Variants in CYP7A1 observed in about 807,000 individuals in gnomAD.
CYP7A1 encodes cytochrome P450 7A1.
In CYP7A1, 28 loss-of-function variants were observed where a neutral mutation model predicts 43.8. The observed-to-expected ratio is 0.64, with a 90% CI of 0.47 to 0.88. The LOEUF (loss-of-function observed/expected upper bound fraction) is 0.88. Among genes scored for constraint, CYP7A1 ranks in the 40% least tolerant of loss-of-function variants. CYP7A1 has a pLI of 0.00. For synonymous variants in CYP7A1, 227 were observed against 222.5 expected (o/e 1.02, Z -0.18); for missense variants, 637 against 611.9 (o/e 1.04, Z -0.43).
Position 58,496,605 on chromosome 8 carries a change from T to G in CYP7A1, c.907A>C (p.Arg303=). ...AGAAATGGATATGGCGTTAGTCACC[T>G]AATCATTTGAAATAAACTCCAGAAA... ...ATFWSLFQMI[R]NPEAMKAATE... is the part of the protein sequence containing the mutation. The change falls in exon 3 of 6, where the codon AGG becomes CGG. Residue 303 remains arginine (R), a splice_region_variant and synonymous_variant. Transcript: ENST00000301645. The G allele has an allele frequency of 6.2e-7, 1 of 1,611,386 alleles. No homozygotes were observed. Among genetic ancestry groups the G allele is most frequent in the South Asian group, 1.1e-5 (1 of 91,010 alleles).
Position 58,492,539 on chromosome 8 carries a change from TAAAAGAAA to T in CYP7A1, c.1040-19_1040-12del. The stretch of plus-strand genomic sequence containing the variant: ...CCTTGATTATACTATCTAAACATTT[TAAAAGAAA>T]AAAAGATAAAAAATGAAAGAAGGAA... On this transcript the variant is annotated splice_polypyrimidine_tract_variant and intron_variant, in intron 4 of 5. Transcript: ENST00000301645. The T allele has an allele frequency of 6.2e-7, 1 of 1,607,860 alleles. No individual in the cohort carries two copies. The highest frequency in any genetic ancestry group is 1.1e-5 in the South Asian group (1 of 90,794).
At position 58,498,254 on chromosome 8, in the gene CYP7A1, T is replaced by A. The variant is rs757436505; in HGVS notation, c.296A>T (p.Lys99Ile). The change falls in exon 2 of 6, where the codon AAA (lysine) becomes ATA (isoleucine). Residue 99 changes from lysine to isoleucine, a missense_variant. Coordinates refer to ENST00000301645, the MANE Select transcript of CYP7A1 (RefSeq NM_000780.4). ...LCHGKYFDWK[K>I]FHFATSAKAF... ...CTTCGCAGAAGTAGCAAAGTGAAAT[T>A]TTTTCCAATCAAAATATTTTCCGTG... 7 of 1,614,106 alleles carry A rather than the reference T, an allele frequency of 4.3e-6. No individual in the cohort carries two copies. In the South Asian group the frequency reaches 4.4e-5, roughly 10 times the overall value.
chr8:58,491,825 T>G (rs545795605), intron 5 of CYP7A1, 51 bp from the exon 6 acceptor site: 13 of 1,486,254 alleles, frequency 8.7e-6, no homozygotes, highest in South Asian at 3.4e-5. Context: ...TTAAAGAAAT[T>G]TATCTCTTTC....
chr8:58,492,024 T>C (rs998638997), intron 5 of CYP7A1, among the ~76,000 whole-genome samples: 1 of 152,104 alleles, frequency 6.6e-6, no homozygotes, highest in Non-Finnish European at 1.5e-5. Context: ...AGAGAAGGGT[T>C]CCCAGAAGAA....
intron 3 of CYP7A1, among the ~76,000 whole-genome samples, chr8:58,496,242 A>C (rs572727623): frequency 1.3e-5 from 2 of 152,356 alleles, no homozygotes; most frequent in Admixed American, 6.5e-5. Flanking sequence ...ATGATTATGA[A>C]AACTGCATTT....
In CYP7A1 at chr8:58,494,650, A is replaced by G. The variant is rs1438470191; in HGVS notation, c.909-14T>C. On this transcript the variant is annotated splice_polypyrimidine_tract_variant and intron_variant, in intron 3 of 5. Coordinates refer to ENST00000301645, the MANE Select transcript of CYP7A1 (RefSeq NM_000780.4). ...GCTTCTGGGTTCCTATTAAAAGGTA[A>G]GAGAAAACATGTATGTACAGAAAAT... The G allele has an allele frequency of 6.2e-7, 1 of 1,613,164 alleles. No individual in the cohort carries two copies.
chr8:58,493,138 C>A (rs1809379088), intron 4 of CYP7A1, among the ~76,000 whole-genome samples: 1 of 152,014 alleles, frequency 6.6e-6, no homozygotes, highest in South Asian at 2.1e-4. Context: ...TCATCTTGGT[C>A]ATAATTGGGA....
chr8:58,492,669 A>G, intron 4 of CYP7A1, 141 bp from the exon 5 acceptor site: 1 of 697,848 alleles, frequency 1.4e-6, no homozygotes, highest in East Asian at 2.7e-5. Flanking sequence ...ACAAAGATGA[A>G]CAGGGTATGG....
chr8:58,493,355 T>C (rs1452216952), intron 4 of CYP7A1, among the ~76,000 whole-genome samples: 1 of 152,214 alleles, frequency 6.6e-6, no homozygotes, highest in Non-Finnish European at 1.5e-5. Context: ...TACAAGAACC[T>C]ATTTTTATCC....
rs1487797038 is a variant in CYP7A1 at position 58,492,604 on chromosome 8, T to A, written c.1040-76A>T. ...AAGGAAGAGAAGAACAAACCAAGTGTTTGAAGGTCATATGATATAGAGTCT... is the reference window on the plus strand; with the variant it reads ...AAGGAAGAGAAGAACAAACCAAGTGATTGAAGGTCATATGATATAGAGTCT... On this transcript the variant is annotated intron_variant, in intron 4 of 5. Transcript: ENST00000301645. The A allele has an allele frequency of 3.2e-6, 4 of 1,242,756 alleles. No homozygotes were observed. The East Asian group carries it at 1.0e-4, about 31-fold the overall frequency. The allele number at this position is 1,242,756 out of a possible 1,614,324, so 77.0% of individuals were successfully genotyped here.
At chr8:58,493,904 G>A (rs1809397276) in intron 4 of CYP7A1, among the ~76,000 whole-genome samples, 1 of 152,090 alleles carries the variant, frequency 6.6e-6, no homozygotes, top group African/African-American at 2.4e-5. Context: ...GGAGGCTGAG[G>A]CAGGAGAATG....
chr8:58,495,822 A>G (rs1392522844), intron 3 of CYP7A1, among the ~76,000 whole-genome samples: 1 of 152,250 alleles, frequency 6.6e-6, no homozygotes, highest in Non-Finnish European at 1.5e-5. Flanking sequence ...AATATTTTAT[A>G]AGACCTAAAG....
intron 3 of CYP7A1, 112 bp from the exon 4 acceptor site, chr8:58,494,748 A>G (rs1809412161): frequency 1.0e-6 from 1 of 995,062 alleles, no homozygotes; most frequent in South Asian, 1.3e-5. Flanking sequence ...TGGTGAAGAT[A>G]CCAGGGGAGG....
intron 2 of CYP7A1, 47 bp downstream of exon 2, chr8:58,498,182 A>G (rs1432938497): frequency 1.2e-6 from 2 of 1,607,500 alleles, no homozygotes; most frequent in Non-Finnish European, 1.7e-6. Context: ...AAGCACATAA[A>G]AAGGTAGAAG....
At chr8:58,498,192 G>A in intron 2 of CYP7A1, 37 bp downstream of exon 2, 7 of 1,610,830 alleles carry the variant, frequency 4.3e-6, no homozygotes, top group South Asian at 1.1e-5. Context: ...AAAGGTAGAA[G>A]ACAAACAGAA....
intron 3 of CYP7A1, among the ~76,000 whole-genome samples, chr8:58,495,689 C>A (rs572664908): frequency 6.6e-6 from 1 of 152,158 alleles, no homozygotes; most frequent in African/African-American, 2.4e-5. Flanking sequence ...TAAATTGATG[C>A]GTATGCCTGC....
chr8:58,498,283 C>G lies in CYP7A1; in HGVS notation c.267G>C (p.Leu89Phe). 1 of 1,614,130 alleles carries G rather than the reference C, an allele frequency of 6.2e-7. No individual in the cohort carries two copies. Among genetic ancestry groups the G allele is most frequent in the Non-Finnish European group, 8.5e-7 (1 of 1,179,998 alleles). Residue 89 changes from leucine (L) to phenylalanine (F), a missense_variant, in exon 2 of 6, where the codon TTG becomes TTC. Coordinates refer to ENST00000301645, the MANE Select transcript of CYP7A1 (RefSeq NM_000780.4). ...TCCAATCAAAATATTTTCCGTGGCACAACACCTTATGGTATGACAAGGGAT... is the reference window on the plus strand; with the variant it reads ...TCCAATCAAAATATTTTCCGTGGCAGAACACCTTATGGTATGACAAGGGAT... Reference protein sequence around the residue: ...ITNPLSYHKVLCHGKYFDWKK... With the variant: ...ITNPLSYHKVFCHGKYFDWKK...
rs1809370235 is a variant in CYP7A1, at chr8:58,492,639, AC to A, written c.1040-112del. The A allele has an allele frequency of 4.6e-6, 4 of 861,624 alleles. No individual in the cohort carries two copies. In the African/African-American group the frequency reaches 6.7e-5, roughly 15 times the overall value. The allele number at this position is 861,624 out of a possible 1,614,324, so 53.4% of individuals were successfully genotyped here. A position where few individuals can be genotyped will look rare whatever the true frequency, so the allele number is the denominator to read the frequency against. ...ATATGATATAGAGTCTGAACTACAG[AC>A]AGCCTGGCAGTGCATAACACAAAGA... On this transcript the variant is annotated intron_variant, in intron 4 of 5. Transcript: ENST00000301645.
In CYP7A1 at chr8:58,492,356, AGG is replaced by A; in HGVS notation, c.1210_1211del (p.Pro404PhefsTer4). ...ATTTCAATGGGCAGGCACTTACCAA[AGG>A]GTCTGGGTAGATTTCTGGATCTAAG... ...MHLDPEIYPDPLTFKYDRYLD... is the reference protein window; with the variant it reads ...MHLDPEIYPDXLTFKYDRYLD... On this transcript the variant is annotated frameshift_variant, in exon 5 of 6. Coordinates refer to ENST00000301645, the MANE Select transcript of CYP7A1 (RefSeq NM_000780.4). LOFTEE classifies it high-confidence loss of function. The A allele has an allele frequency of 6.2e-7, 1 of 1,612,956 alleles. No homozygotes were observed.
Sources: allele counts gnomAD v4.1 joint callset (sites outside exome capture counted in the v4.1 genomes callset), GRCh38; gene constraint gnomAD v4.1.1; transcripts MANE v1.5; gene names NCBI Gene and HGNC (gene_info 2026-07-23, HGNC 2026-07-21).